Variants in BIRC6 observed in about 807,000 individuals in gnomAD.
The protein encoded by BIRC6 is baculoviral IAP repeat containing 6.
A neutral mutation model predicts 503.3 loss-of-function variants in BIRC6; 98 were observed. The observed-to-expected ratio is 0.19, with a 90% CI of 0.17 to 0.23. The LOEUF is 0.23. Ranked by LOEUF, BIRC6 falls within the 10% of genes least tolerant of loss-of-function variation. The pLI, the probability that BIRC6 is intolerant of heterozygous loss-of-function variation, is 1.00. For synonymous variants in BIRC6, 2,240 were observed against 2,078.7 expected (o/e 1.08, Z -2.11); for missense variants, 5,360 against 5,806.0 (o/e 0.92, Z 2.50).
chr2:32,476,181 T>A, intron 33 of BIRC6, 32 bp from the exon 34 acceptor site: 1 of 1,499,470 alleles, frequency 6.7e-7, no homozygotes, highest in South Asian at 1.3e-5. Context: ...TTAACGTTGT[T>A]AAAGATTAAG....
intron 67 of BIRC6, chr2:32,594,295 ACATT>A: frequency 2.8e-6 from 1 of 356,184 alleles, no homozygotes; most frequent in Non-Finnish European, 5.0e-6. Context: ...CTGAGAACAT[ACATT>A]ATAAATATTT....
In BIRC6 at chr2:32,465,080, G is replaced by A; in HGVS notation, c.5272G>A (p.Gly1758Ser). ...NKSRMNPLGS[G>S]LALAISHASH... ...CCTGCTCTAGAATCCACTTGGTTCT[G>A]GTCTAGCCCTTGCAATTTCTCATGC... Residue 1758 changes from glycine to serine, a missense_variant, in exon 26 of 74, where the codon GGT becomes AGT. Gly to Ser is a moderately conservative substitution (Grantham distance 56). This residue lies in a region of BIRC6 where 2,299 missense variants were observed against 2,267.2 expected (regional missense o/e 1.01). Coordinates refer to ENST00000421745, the MANE Select transcript of BIRC6 (RefSeq NM_016252.4). 6.3e-7 allele frequency: 1 copy of A among 1,598,982 alleles called. No homozygotes were observed. The highest frequency in any genetic ancestry group is 8.5e-7 in the Non-Finnish European group (1 of 1,170,940).
At chr2:32,561,502 A>G (rs1456562109) in intron 65 of BIRC6, among the ~76,000 whole-genome samples, 1 of 151,806 alleles carries the variant, frequency 6.6e-6, no homozygotes, top group African/African-American at 2.4e-5. Context: ...GGCCTCCCAA[A>G]TATCTGGGAT....
intron 36 of BIRC6, 42 bp downstream of exon 36, chr2:32,478,860 T>C (rs771839013): frequency 6.3e-7 from 1 of 1,576,534 alleles, no homozygotes; most frequent in Non-Finnish European, 8.7e-7. Flanking sequence ...CAAAATTACC[T>C]TGTCATTGCT....
At chr2:32,394,565 C>T (rs749814948) in intron 5 of BIRC6, among the ~76,000 whole-genome samples, 37 of 152,194 alleles carry the variant, frequency 2.4e-4, no homozygotes, top group Non-Finnish European at 4.7e-4. Flanking sequence ...GGTGCAGTGG[C>T]TCACACTTGT....
At chr2:32,432,385 C>T (rs2044224532) in intron 12 of BIRC6, among the ~76,000 whole-genome samples, 1 of 152,098 alleles carries the variant, frequency 6.6e-6, no homozygotes, top group East Asian at 1.9e-4. Flanking sequence ...CCACTGCACT[C>T]CAGCCTGGGC....
At chr2:32,536,488 G>T (rs1190564350) in intron 61 of BIRC6, among the ~76,000 whole-genome samples, 1 of 152,168 alleles carries the variant, frequency 6.6e-6, no homozygotes, top group Non-Finnish European at 1.5e-5. Flanking sequence ...TTTGTATAAG[G>T]TGTAAAGAAG....
chr2:32,505,278 T>C (rs2053667769), intron 50 of BIRC6, 73 bp downstream of exon 50: 1 of 1,308,460 alleles, frequency 7.6e-7, no homozygotes, highest in Admixed American at 2.0e-5. Context: ...TAAAAATGTT[T>C]AGTAAGCGGA....
At chr2:32,440,751 T>TTTATTATTATTA (rs769945864) in intron 16 of BIRC6, among the ~76,000 whole-genome samples, 165 of 147,180 alleles carry the variant, frequency 1.1e-3, no homozygotes, top group African/African-American at 3.7e-3. Flanking sequence ...TGTTTATTTA[T>TTTATTATTATTA]TTATTATTAT....
Position 32,357,432 on chromosome 2 carries a change from A to G in BIRC6, c.271A>G (p.Ile91Val). The change falls in exon 1 of 74, where the codon ATC (isoleucine) becomes GTC (valine). Residue 91 changes from isoleucine (I) to valine (V), a missense_variant. Ile to Val is a conservative substitution (Grantham distance 29). Transcript: ENST00000421745. The surrounding 1 kb of genome is among the most constrained non-coding windows in gnomAD (Gnocchi z 4.9). ...CCTGGCCGTCACTAGCCGCGGGACC[A>G]TCAAAGTCATCGACGGCACCTCGGG... ...AILAVTSRGT[I>V]KVIDGTSGAT... 6.5e-7 allele frequency: 1 copy of G among 1,549,906 alleles called. No homozygotes were observed. Among genetic ancestry groups the G allele is most frequent in the South Asian group, 1.2e-5 (1 of 83,966 alleles).
intron 65 of BIRC6, among the ~76,000 whole-genome samples, chr2:32,568,730 G>A (rs1469460471): frequency 6.6e-6 from 1 of 151,610 alleles, no homozygotes; most frequent in Non-Finnish European, 1.5e-5. Context: ...TGTAATCCCA[G>A]CCACTTGGGA....
At chr2:32,406,358 C>A in intron 8 of BIRC6, 141 bp from the exon 9 acceptor site, 1 of 609,752 alleles carries the variant, frequency 1.6e-6, no homozygotes, top group Non-Finnish European at 2.9e-6. Context: ...GTGTTCCTGC[C>A]ACTGTACTCC....
intron 45 of BIRC6, among the ~76,000 whole-genome samples, chr2:32,498,115 G>A (rs1299286150): frequency 6.6e-6 from 1 of 152,226 alleles, no homozygotes. Flanking sequence ...AGGTTGGAGC[G>A]TAGTGGTGCG....
chr2:32,388,684 A>T, intron 3 of BIRC6, 66 bp from the exon 4 acceptor site: 1 of 1,165,152 alleles, frequency 8.6e-7, no homozygotes, highest in African/African-American at 1.6e-5. Flanking sequence ...GATAATGGTT[A>T]AGTTATGATT....
intron 10 of BIRC6, among the ~76,000 whole-genome samples, chr2:32,428,631 CTTAA>C (rs1214281268): frequency 1.3e-5 from 2 of 152,116 alleles, no homozygotes; most frequent in African/African-American, 4.8e-5. Flanking sequence ...ATTTTTTTGT[CTTAA>C]TTAAAGCTAA....
chr2:32,570,922 C>G (rs1243405052), intron 65 of BIRC6, among the ~76,000 whole-genome samples: 2 of 152,164 alleles, frequency 1.3e-5, no homozygotes, highest in Non-Finnish European at 2.9e-5. Flanking sequence ...CTTAGCCTCC[C>G]AAGTAGCTGG....
At chr2:32,406,085 T>C (rs1412987496) in intron 8 of BIRC6, among the ~76,000 whole-genome samples, 1 of 152,144 alleles carries the variant, frequency 6.6e-6, no homozygotes, top group Non-Finnish European at 1.5e-5. Context: ...AGATGTGTAG[T>C]AGTGATTTTA....
intron 65 of BIRC6, among the ~76,000 whole-genome samples, chr2:32,562,443 A>G (rs2059259771): frequency 1.3e-5 from 2 of 152,316 alleles, no homozygotes; most frequent in Admixed American, 6.5e-5. Context: ...TAATAGTGGT[A>G]TGTTATTTTT....
At chr2:32,569,832 T>G (rs151039909) in intron 65 of BIRC6, among the ~76,000 whole-genome samples, 1 of 152,172 alleles carries the variant, frequency 6.6e-6, no homozygotes, top group African/African-American at 2.4e-5. Context: ...GAGTTTCTCA[T>G]GGAGTCTTTA....
Sources: gnomAD v4.1 joint callset for allele counts (sites outside exome capture counted in the v4.1 genomes callset) on GRCh38, gnomAD v4.1.1 for gene constraint, gnomAD v4.1.1 regional missense constraint, Gnocchi (gnomAD v3.1) non-coding constraint, MANE v1.5 for transcripts, NCBI Gene and HGNC (gene_info 2026-07-23, HGNC 2026-07-21) for gene names.